SEC11A: variants seen among roughly 807,000 people sequenced by gnomAD.
SEC11A encodes the protein signal peptidase complex catalytic subunit SEC11A.
SEC11A carries 14 observed loss-of-function variants against 25.6 expected under a neutral mutation model. That is an observed-to-expected ratio of 0.55 (90% CI 0.36 to 0.85). SEC11A has a LOEUF of 0.85. Among genes scored for constraint, SEC11A ranks in the 40% least tolerant of loss-of-function variants. The pLI is 0.01. For synonymous variants in SEC11A, 83 were observed against 76.4 expected, an observed-to-expected ratio of 1.09 and a Z score of -0.45; for missense variants, 153 against 222.9, an observed-to-expected ratio of 0.69 and a Z score of 2.00.
chr15:84,690,353 T>C (rs1232193608), intron 2 of SEC11A, among the ~76,000 whole-genome samples: 1 of 152,192 alleles, frequency 6.6e-6, no homozygotes. Context: ...CCCAGTCACG[T>C]GGAACTGTAA....
At chr15:84,678,502 C>A (rs879543159) in intron 4 of SEC11A, among the ~76,000 whole-genome samples, 3 of 152,174 alleles carry the variant, frequency 2.0e-5, no homozygotes. Context: ...TGAATAAAAT[C>A]TATATGTTCT....
intron 4 of SEC11A, among the ~76,000 whole-genome samples, chr15:84,675,370 C>G (rs1014638731): frequency 1.5e-4 from 23 of 152,042 alleles, no homozygotes; most frequent in Non-Finnish European, 1.5e-5. Flanking sequence ...AGACAAAAGG[C>G]CAAACAAACA....
intron 1 of SEC11A, among the ~76,000 whole-genome samples, chr15:84,709,280 C>G (rs1246864979): frequency 1.3e-5 from 2 of 152,060 alleles, no homozygotes; most frequent in Non-Finnish European, 2.9e-5. Context: ...ATCATCCTGC[C>G]TCAGCCTCCC....
rs763732875 is a variant in SEC11A, at chr15:84,671,566, C to T, written c.432-784G>A. 5 of 152,322 alleles carry T rather than the reference C, an allele frequency of 3.3e-5. No individual in the cohort carries two copies. The East Asian group carries it at 7.7e-4, about 23-fold the overall frequency. 9.4% of individuals were successfully genotyped at this position (152,322 alleles called of 1,614,324 possible). A position where few individuals can be genotyped will look rare whatever the true frequency, so the allele number is the denominator to read the frequency against. On this transcript the variant is annotated intron_variant, in intron 4 of 5. Coordinates refer to ENST00000268220, the MANE Select transcript of SEC11A (RefSeq NM_014300.4). ...CCACCTGTTAAATTATCTTACAGCA[C>T]CTGATACATTTCCTTTGAGGTCTTT...
intron 1 of SEC11A, among the ~76,000 whole-genome samples, chr15:84,710,616 C>T (rs533372038): frequency 1.3e-5 from 2 of 152,010 alleles, no homozygotes; most frequent in East Asian, 1.9e-4. Context: ...CCAGCCTGGG[C>T]GACAGAGCAA....
intron 1 of SEC11A, among the ~76,000 whole-genome samples, chr15:84,710,633 G>T (rs1898232785): frequency 6.6e-6 from 1 of 152,070 alleles, no homozygotes; most frequent in African/African-American, 2.4e-5. Context: ...GCAAGATTCT[G>T]TCTCAAATAA....
chr15:84,669,897 C>G lies in SEC11A; in HGVS notation c.*122G>C. ...CATGGAAACATAAACTAATGCAAAC[C>G]AGTGCTACCCAGAAGCACCAACACG... On this transcript the variant is annotated 3_prime_UTR_variant, in exon 6 of 6. Transcript: ENST00000268220. The G allele has an allele frequency of 6.4e-7, 1 of 1,558,060 alleles. No homozygotes were observed. The highest frequency in any genetic ancestry group is 8.7e-7 in the Non-Finnish European group (1 of 1,149,060).
intron 1 of SEC11A, among the ~76,000 whole-genome samples, chr15:84,715,336 C>T (rs1272666514): frequency 6.6e-6 from 1 of 152,208 alleles, no homozygotes; most frequent in Non-Finnish European, 1.5e-5. Context: ...TACTATTTGG[C>T]ATACGATCTA....
intron 1 of SEC11A, among the ~76,000 whole-genome samples, chr15:84,693,150 T>C (rs2141898706): frequency 6.6e-6 from 1 of 152,198 alleles, no homozygotes; most frequent in Non-Finnish European, 1.5e-5. Context: ...CTTGTGGACA[T>C]TCTACACAAC....
At chr15:84,688,341 C>G (rs1330440754) in intron 2 of SEC11A, among the ~76,000 whole-genome samples, 1 of 152,022 alleles carries the variant, frequency 6.6e-6, no homozygotes, top group Non-Finnish European at 1.5e-5. Context: ...AAAAGAAAAC[C>G]AAGGAATAAG....
intron 1 of SEC11A, among the ~76,000 whole-genome samples, chr15:84,707,761 T>C (rs1389123021): frequency 2.0e-5 from 3 of 152,186 alleles, no homozygotes; most frequent in Non-Finnish European, 2.9e-5. Flanking sequence ...TAATCATCCT[T>C]GTCTTTACGT....
intron 3 of SEC11A, chr15:84,686,889 T>C (rs1405889918): frequency 6.6e-6 from 1 of 152,182 alleles, no homozygotes; most frequent in Non-Finnish European, 1.5e-5. Context: ...TATTTATTTT[T>C]TGAGATGGAG....
At chr15:84,698,156 G>T (rs181505719) in intron 1 of SEC11A, among the ~76,000 whole-genome samples, 80 of 152,164 alleles carry the variant, frequency 5.3e-4, no homozygotes, top group African/African-American at 1.9e-3. Flanking sequence ...GATAAAAGTT[G>T]ATAATAATTT....
In SEC11A at chr15:84,670,009, G is replaced by A. The variant is rs182477343; in HGVS notation, c.*10C>T. On this transcript the variant is annotated 3_prime_UTR_variant, in exon 6 of 6. Coordinates refer to ENST00000268220, the MANE Select transcript of SEC11A (RefSeq NM_014300.4). ...TATGGCATCTTCCCAGGAACAGCAA[G>A]GCAGGCTTCTTACTCACGATGAACC... The A allele has an allele frequency of 5.0e-6, 8 of 1,613,510 alleles. No homozygotes were observed. Among genetic ancestry groups the A allele is most frequent in the Non-Finnish European group, 5.9e-6 (7 of 1,179,662 alleles).
chr15:84,696,827 G>C (rs963844427), intron 1 of SEC11A, among the ~76,000 whole-genome samples: 1 of 151,968 alleles, frequency 6.6e-6, no homozygotes, highest in African/African-American at 2.4e-5. Context: ...TTTCAAAAGG[G>C]CTCGGTTATA....
At position 84,716,014 on chromosome 15, in the gene SEC11A, G is replaced by C; in HGVS notation, c.51+11C>G. ...GAAGAGCCAGGAGAAAAAGAGGACG[G>C]ACAAGCTCACCTGCCGCTTGTTCAT... is the stretch of plus-strand genomic sequence containing the variant. On this transcript the variant is annotated intron_variant, in intron 1 of 5. Transcript: ENST00000268220. 6.2e-7 allele frequency: 1 copy of C among 1,612,752 alleles called. No individual in the cohort carries two copies.
intron 1 of SEC11A, among the ~76,000 whole-genome samples, chr15:84,697,736 G>GA (rs1005005525): frequency 2.0e-5 from 3 of 151,946 alleles, no homozygotes; most frequent in African/African-American, 7.3e-5. Flanking sequence ...TATATAATTG[G>GA]AAAAAAAGTG....
intron 1 of SEC11A, among the ~76,000 whole-genome samples, chr15:84,707,463 C>T (rs901197764): frequency 2.6e-5 from 4 of 152,130 alleles, no homozygotes; most frequent in Non-Finnish European, 1.5e-5. Flanking sequence ...GGATTATAGG[C>T]GTGAACCACC....
chr15:84,713,773 G>A (rs1425845528), intron 1 of SEC11A, among the ~76,000 whole-genome samples: 3 of 152,166 alleles, frequency 2.0e-5, no homozygotes, highest in Non-Finnish European at 4.4e-5. Context: ...GTTTGCAAGT[G>A]CTGAGTGAAT....
Sources: gnomAD v4.1 joint callset for allele counts (sites outside exome capture counted in the v4.1 genomes callset) on GRCh38, gnomAD v4.1.1 for gene constraint, MANE v1.5 for transcripts, NCBI Gene and HGNC (gene_info 2026-07-23, HGNC 2026-07-21) for gene names.